ANKRD36B: variants seen among roughly 807,000 people sequenced by gnomAD.
ANKRD36B encodes ankyrin repeat domain-containing protein 36B.
In ANKRD36B, 37 loss-of-function variants were observed where a neutral mutation model predicts 135.7. The ratio of observed to expected loss-of-function variants is 0.27; its 90% confidence interval spans 0.21 to 0.36. The LOEUF (loss-of-function observed/expected upper bound fraction) is 0.36. ANKRD36B is among the 10% of genes least tolerant of loss of function. ANKRD36B has a pLI of 1.00. For synonymous variants in ANKRD36B, 179 were observed against 348.1 expected, an observed-to-expected ratio of 0.51 and a Z score of 5.41; for missense variants, 549 against 1,037.1, an observed-to-expected ratio of 0.53 and a Z score of 6.46.
At chr2:97,578,831 T>C (rs1484167476) in intron 5 of ANKRD36B, 75 bp downstream of exon 5, 5 of 1,552,486 alleles carry the variant, frequency 3.2e-6, no homozygotes, top group Non-Finnish European at 4.4e-6. Flanking sequence ...TCTCACCTGA[T>C]ATATAAGATG....
In ANKRD36B at chr2:97,537,688, G is replaced by A. The variant is rs2078958783; in HGVS notation, c.2089+480C>T. Among the ~76,000 whole-genome samples the A allele has an allele frequency of 7.3e-5, 7 of 95,664 alleles. 3 individuals carry two copies. The highest frequency in any genetic ancestry group is 6.6e-4 in the Admixed American group (7 of 10,658). 62.8% of individuals were successfully genotyped at this position (95,664 alleles called of 152,430 possible). ...TAACTTCTTCCTTCCCCTCTTTCTT[G>A]CCTTGCAATCCCTCTCTTGATGAAA... On this transcript the variant is annotated intron_variant, in intron 32 of 43. Coordinates refer to ENST00000359901, the MANE Select transcript of ANKRD36B (RefSeq NM_001393939.1).
chr2:97,525,862 C>T lies in ANKRD36B; in HGVS notation c.2266-2395G>A, dbSNP rs1372272792. The stretch of plus-strand genomic sequence containing the variant: ...AGTGAGGCTGGGGGAGGGGCGCCTG[C>T]CATTGCCCAGGCTTGCTTAGGTAAA... On this transcript the variant is annotated intron_variant, in intron 35 of 43. Coordinates refer to ENST00000359901, the MANE Select transcript of ANKRD36B (RefSeq NM_001393939.1). Among the ~76,000 whole-genome samples the T allele has an allele frequency of 2.0e-5, 2 of 98,216 alleles. 1 individual carries two copies. Among genetic ancestry groups the T allele is most frequent in the African/African-American group, 6.1e-5 (2 of 32,880 alleles). 64.4% of individuals were successfully genotyped at this position (98,216 alleles called of 152,430 possible).
intron 8 of ANKRD36B, among the ~76,000 whole-genome samples, chr2:97,559,987 C>T (rs561971521): frequency 0.011 from 1,616 of 151,920 alleles, 37 homozygotes; most frequent in African/African-American, 0.036. Context: ...TCTCTGATGC[C>T]TAATAGTAAC....
At chr2:97,546,301 C>T (rs189080143) in intron 22 of ANKRD36B, among the ~76,000 whole-genome samples, 16 of 151,782 alleles carry the variant, frequency 1.1e-4, no homozygotes, top group African/African-American at 3.1e-4. Flanking sequence ...TTAATTTGCC[C>T]GATAACTGAG....
intron 6 of ANKRD36B, among the ~76,000 whole-genome samples, chr2:97,574,019 A>G (rs1328012905): frequency 1.3e-5 from 2 of 152,326 alleles, no homozygotes; most frequent in African/African-American, 4.8e-5. Flanking sequence ...AATGGCAACA[A>G]AAGCCAAAAT....
At position 97,526,065 on chromosome 2, in the gene ANKRD36B, C is replaced by A. The variant is rs1413519478; in HGVS notation, c.2266-2598G>T. On this transcript the variant is annotated intron_variant, in intron 35 of 43. Transcript: ENST00000359901. ...TGAAGACAGCAGTGGTTCCCCCAGC[C>A]TGCAGCTGGAGATCTGAGAATGGGC... 9.2e-5 allele frequency among the ~76,000 whole-genome samples: 9 copies of A among 97,756 alleles called. 1 individual carries two copies. The highest frequency in any genetic ancestry group is 2.3e-4 in the East Asian group (1 of 4,344). The allele number at this position is 97,756 out of a possible 152,430, so 64.1% of individuals were successfully genotyped here.
chr2:97,513,918 A>G (rs909486398), intron 37 of ANKRD36B, among the ~76,000 whole-genome samples: 1 of 120,138 alleles, frequency 8.3e-6, no homozygotes, highest in African/African-American at 5.6e-5. Context: ...TACAGCCTGG[A>G]AGCCCCAGCT....
intron 6 of ANKRD36B, among the ~76,000 whole-genome samples, chr2:97,564,381 A>G (rs12988739): frequency 1.1e-4 from 17 of 152,130 alleles, no homozygotes. Flanking sequence ...CTTTAGTTTA[A>G]TTAGATCCCA....
At chr2:97,546,062 T>C (rs1247054339) in intron 22 of ANKRD36B, among the ~76,000 whole-genome samples, 2 of 151,692 alleles carry the variant, frequency 1.3e-5, no homozygotes, top group Admixed American at 1.3e-4. Context: ...AATATATCCT[T>C]ACAATTTCAA....
rs1324597141 is a variant in ANKRD36B at position 97,529,292 on chromosome 2, A to G, written c.2265+3019T>C. 2.1e-5 allele frequency among the ~76,000 whole-genome samples: 2 copies of G among 96,174 alleles called. 1 individual carries two copies. The highest frequency in any genetic ancestry group is 6.3e-5 in the African/African-American group (2 of 31,918). 63.1% of individuals were successfully genotyped at this position (96,174 alleles called of 152,430 possible). Reference sequence around the variant, plus strand: ...GTAATCCAGCTTATAAACAGAACCAAAGACAAAAACCACATGATTATCTCA... The same window carrying G: ...GTAATCCAGCTTATAAACAGAACCAGAGACAAAAACCACATGATTATCTCA... On this transcript the variant is annotated intron_variant, in intron 35 of 43. Coordinates refer to ENST00000359901, the MANE Select transcript of ANKRD36B (RefSeq NM_001393939.1).
chr2:97,574,947 C>A (rs1169942397), intron 6 of ANKRD36B, among the ~76,000 whole-genome samples: 1 of 152,036 alleles, frequency 6.6e-6, no homozygotes, highest in Non-Finnish European at 1.5e-5. Flanking sequence ...TAGATTTGTT[C>A]CTCCATATTT....
chr2:97,496,825 ATG>A (rs79741024), intron 43 of ANKRD36B, among the ~76,000 whole-genome samples: 3 of 68,966 alleles, frequency 4.3e-5, no homozygotes, highest in Admixed American at 1.1e-4. Flanking sequence ...GTATGTATAT[ATG>A]TGTGTGTATA....
intron 20 of ANKRD36B, among the ~76,000 whole-genome samples, chr2:97,548,070 G>A (rs73959746): frequency 0.027 from 4,075 of 151,740 alleles, 132 homozygotes; most frequent in African/African-American, 0.092. Context: ...GAGAATCAAC[G>A]TGAAAGCAGG....
Position 97,589,590 on chromosome 2 carries a change from A to T in ANKRD36B, c.96T>A (p.Asn32Lys). ...GCAGAAGGTACTTCAGTTTCTCCAG[A>T]TTACCACGTAAGACAGCTCTGTGGA... Reference protein sequence around the residue: ...KRIHRAVLRGNLEKLKYLLLT... With the variant: ...KRIHRAVLRGKLEKLKYLLLT... Residue 32 changes from asparagine (N) to lysine (K), a missense_variant, in exon 1 of 44, where the codon AAT becomes AAA. By Grantham distance (94) the Asn-to-Lys change is moderately conservative. Transcript: ENST00000359901. 6.2e-7 allele frequency: 1 copy of T among 1,613,808 alleles called. No individual in the cohort carries two copies. Among genetic ancestry groups the T allele is most frequent in the Non-Finnish European group, 8.5e-7 (1 of 1,179,908 alleles).
chr2:97,550,746 C>G (rs1333690241), intron 18 of ANKRD36B, among the ~76,000 whole-genome samples: 1 of 151,872 alleles, frequency 6.6e-6, no homozygotes, highest in Non-Finnish European at 1.5e-5. Flanking sequence ...CCAAATGCAT[C>G]TGAAGTGAGT....
rs560392229 is a variant in ANKRD36B at position 97,572,108 on chromosome 2, T to C, written c.763+4271A>G. Reference sequence around the variant, plus strand: ...GGCAAAAGAGAGAGACCTTTGTCTTTAAAAAATAAAAAATAAAAAAGTTAG... The same window carrying C: ...GGCAAAAGAGAGAGACCTTTGTCTTCAAAAAATAAAAAATAAAAAAGTTAG... On this transcript the variant is annotated intron_variant, in intron 6 of 43. Transcript: ENST00000359901. Among the ~76,000 whole-genome samples, 3 of 152,004 alleles carry C rather than the reference T, an allele frequency of 2.0e-5. 1 individual carries two copies. The highest frequency in any genetic ancestry group is 2.9e-5 in the Non-Finnish European group (2 of 67,960).
In ANKRD36B at chr2:97,555,265, A is replaced by C; in HGVS notation, c.1070-11T>G. The C allele has an allele frequency of 6.2e-7, 1 of 1,610,992 alleles. No homozygotes were observed. The highest frequency in any genetic ancestry group is 8.5e-7 in the Non-Finnish European group (1 of 1,178,032). On this transcript the variant is annotated splice_polypyrimidine_tract_variant and intron_variant, in intron 12 of 43. Transcript: ENST00000359901. ...GTTTCTGAGAAGACACTGAAAAGCAAAAGGGATACATAATCACTCATATGT... is the reference window on the plus strand; with the variant it reads ...GTTTCTGAGAAGACACTGAAAAGCACAAGGGATACATAATCACTCATATGT...
At chr2:97,553,891 C>T (rs2104691541) in intron 14 of ANKRD36B, among the ~76,000 whole-genome samples, 1 of 151,980 alleles carries the variant, frequency 6.6e-6, no homozygotes, top group South Asian at 2.1e-4. Context: ...GTGAAGTGTC[C>T]TAAATTGATC....
intron 6 of ANKRD36B, among the ~76,000 whole-genome samples, chr2:97,570,870 T>A (rs564981760): frequency 6.6e-6 from 1 of 152,222 alleles, no homozygotes; most frequent in East Asian, 1.9e-4. Context: ...TGGCATTATA[T>A]GAAATTAGTT....
Sources: gnomAD v4.1 joint callset for allele counts (sites outside exome capture counted in the v4.1 genomes callset) on GRCh38, gnomAD v4.1.1 for gene constraint, MANE v1.5 for transcripts, NCBI Gene and HGNC (gene_info 2026-07-23, HGNC 2026-07-21) for gene names.